RGS6: variants seen among roughly 807,000 people sequenced by gnomAD.
The protein encoded by RGS6 is regulator of G-protein signaling 6.
RGS6 carries 30 observed loss-of-function variants against 78.5 expected under a neutral mutation model. The observed-to-expected ratio is 0.38, with a 90% CI of 0.29 to 0.52. The LOEUF is 0.52. Ranked by LOEUF, RGS6 falls within the 20% of genes least tolerant of loss-of-function variation. RGS6 has a pLI of 0.85. For missense variants in RGS6, 495 were observed against 609.7 expected (o/e 0.81, Z 1.98); for synonymous variants, 206 against 206.0 (o/e 1.00, Z 0.00).
rs148941955 is a variant in RGS6 at position 72,324,926 on chromosome 14, A to G, written c.85-27169A>G. ...TCTAGTTCTAGATCCTTGAGGAATT[A>G]CCACACTGTCTTCCACAATGGCTGA... On this transcript the variant is annotated intron_variant, in intron 2 of 17. Coordinates refer to ENST00000553525, the MANE Select transcript of RGS6 (RefSeq NM_001204424.2). 5.1e-3 allele frequency among the ~76,000 whole-genome samples: 772 copies of G among 152,320 alleles called. 5 individuals are homozygous for G. The highest frequency in any genetic ancestry group is 0.018 in the African/African-American group (747 of 41,574).
At chr14:72,541,153 G>T (rs1307803304) in intron 17 of RGS6, 2 of 1,375,522 alleles carry the variant, frequency 1.5e-6, no homozygotes, top group East Asian at 8.2e-5. Context: ...CTTCCCAAAG[G>T]GTGGCAGCCC....
At chr14:72,322,095 G>T (rs145504184) in intron 2 of RGS6, among the ~76,000 whole-genome samples, 2 of 152,000 alleles carry the variant, frequency 1.3e-5, no homozygotes, top group East Asian at 1.9e-4. Context: ...ATTTGTATAC[G>T]TAAGTACTTA....
At chr14:72,084,561 A>AT (rs1217652914) in intron 2 of RGS6, among the ~76,000 whole-genome samples, 1 of 152,176 alleles carries the variant, frequency 6.6e-6, no homozygotes, top group Admixed American at 6.5e-5. Context: ...AGGTCCTGCA[A>AT]TTCCCCGTAA....
At chr14:71,972,315 C>T (rs1459557562) in intron 2 of RGS6, among the ~76,000 whole-genome samples, 1 of 150,366 alleles carries the variant, frequency 6.7e-6, no homozygotes, top group East Asian at 2.0e-4. Context: ...CCACACAGCT[C>T]TACTTCTACT....
intron 17 of RGS6, among the ~76,000 whole-genome samples, chr14:72,555,488 G>C (rs1342257659): frequency 2.0e-5 from 3 of 152,238 alleles, no homozygotes; most frequent in Admixed American, 1.3e-4. Context: ...AAGAACTTAA[G>C]TTCTTTTCTC....
intron 3 of RGS6, among the ~76,000 whole-genome samples, chr14:72,358,913 T>A (rs2080911704): frequency 6.6e-6 from 1 of 152,200 alleles, no homozygotes; most frequent in Non-Finnish European, 1.5e-5. Context: ...ATTCCCATAG[T>A]CCCCATGAGT....
At chr14:72,341,867 G>T (rs747338811) in intron 2 of RGS6, among the ~76,000 whole-genome samples, 2 of 152,050 alleles carry the variant, frequency 1.3e-5, no homozygotes, top group Non-Finnish European at 2.9e-5. Flanking sequence ...TGATCCTAGA[G>T]TCCAGGGTGT....
Position 71,932,477 on chromosome 14 carries a change from C to T in RGS6, c.-485C>T, listed in dbSNP as rs1174557252. On this transcript the variant is annotated 5_prime_UTR_variant, in exon 1 of 18. Transcript: ENST00000553525. ...GCTCCTCGCGCTCGGCCCTGCTCGG[C>T]GGCGAGAGCTCCGCCTGGGCGCCGC... The T allele has an allele frequency of 6.6e-6, 1 of 151,734 alleles. No homozygotes were observed. The highest frequency in any genetic ancestry group is 1.5e-5 in the Non-Finnish European group (1 of 67,852). The allele number at this position is 151,734 out of a possible 1,614,324, so 9.4% of individuals were successfully genotyped here.
chr14:72,039,274 T>C (rs1372778503), intron 2 of RGS6, among the ~76,000 whole-genome samples: 2 of 152,164 alleles, frequency 1.3e-5, no homozygotes, highest in African/African-American at 4.8e-5. Context: ...CTTGTCCTTG[T>C]CCTGTACCCG....
At chr14:72,117,856 C>T (rs2095940977) in intron 2 of RGS6, among the ~76,000 whole-genome samples, 1 of 152,114 alleles carries the variant, frequency 6.6e-6, no homozygotes, top group African/African-American at 2.4e-5. Flanking sequence ...CCACAAGGAC[C>T]CATGATACCC....
intron 2 of RGS6, among the ~76,000 whole-genome samples, chr14:72,097,692 G>A (rs543811261): frequency 5.3e-5 from 8 of 152,226 alleles, no homozygotes; most frequent in Admixed American, 3.3e-4. Flanking sequence ...CTCCTCTGCC[G>A]GGAAGACTCC....
intron 17 of RGS6, among the ~76,000 whole-genome samples, chr14:72,545,821 G>T (rs1289320217): frequency 6.6e-6 from 1 of 151,982 alleles, no homozygotes. Context: ...CGGAGGGTCA[G>T]GGAGGACTCA....
intron 15 of RGS6, among the ~76,000 whole-genome samples, chr14:72,530,940 G>A (rs911118061): frequency 4.6e-5 from 7 of 152,156 alleles, no homozygotes; most frequent in Non-Finnish European, 7.3e-5. Context: ...CAGTGAACAT[G>A]TATATTCGAC....
the RGS6 span, among the ~76,000 whole-genome samples, chr14:71,869,581 G>A: frequency 9.3e-3 from 1,419 of 152,318 alleles, 30 homozygotes; most frequent in African/African-American, 0.033. Flanking sequence ...TTATCCTTCA[G>A]TGGGCTAAAT....
At chr14:72,555,459 G>A (rs1567123747) in intron 17 of RGS6, among the ~76,000 whole-genome samples, 1 of 152,222 alleles carries the variant, frequency 6.6e-6, no homozygotes, top group East Asian at 1.9e-4. Flanking sequence ...ACCTGCCTGA[G>A]ATAAGCTCAA....
chr14:72,552,958 A>C (rs1465492630), intron 17 of RGS6, among the ~76,000 whole-genome samples: 1 of 152,226 alleles, frequency 6.6e-6, no homozygotes, highest in African/African-American at 2.4e-5. Context: ...TCTACAGCCA[A>C]ACAAGCGATT....
chr14:72,379,694 C>G (rs2085570058), intron 3 of RGS6, among the ~76,000 whole-genome samples: 1 of 152,030 alleles, frequency 6.6e-6, no homozygotes. Flanking sequence ...AATGGAAAGA[C>G]ATCTCATGCT....
At position 72,152,241 on chromosome 14, in the gene RGS6, AGAGAGT is replaced by A. The variant is rs1190613996; in HGVS notation, c.84+187368_84+187373del. On this transcript the variant is annotated intron_variant, in intron 2 of 17. Transcript: ENST00000553525. ...CTGCATGAGAGAGAGAGAGAGAGAG[AGAGAGT>A]GTGTGTGTGTGTGTGTGTGTGTGTG... is the stretch of plus-strand genomic sequence containing the variant. Among the ~76,000 whole-genome samples, 91 of 118,820 alleles carry A rather than the reference AGAGAGT, an allele frequency of 7.7e-4. 1 individual carries two copies. Among genetic ancestry groups the A allele is most frequent in the South Asian group, 1.7e-3 (6 of 3,630 alleles). 78.0% of individuals were successfully genotyped at this position (118,820 alleles called of 152,430 possible).
At chr14:72,420,896 T>G (rs1377342695) in intron 3 of RGS6, 1 of 152,206 alleles carries the variant, frequency 6.6e-6, no homozygotes, top group African/African-American at 2.4e-5. Context: ...CTGAAGGCAG[T>G]TGCCTGCAGA....
Sources: allele counts gnomAD v4.1 joint callset (sites outside exome capture counted in the v4.1 genomes callset), GRCh38; gene constraint gnomAD v4.1.1; transcripts MANE v1.5; gene names NCBI Gene and HGNC (gene_info 2026-07-23, HGNC 2026-07-21).